NALF1: variants seen among roughly 807,000 people sequenced by gnomAD.
NALF1 encodes the protein NALCN channel auxiliary factor 1, also known as family with sequence similarity 155 member A.
NALF1 carries 3 observed loss-of-function variants against 48.4 expected under a neutral mutation model. The observed-to-expected ratio is 0.06, with a 90% CI of 0.03 to 0.16. NALF1 has a LOEUF of 0.16. Among genes scored for constraint, NALF1 ranks in the 10% least tolerant of loss-of-function variants. The probability of loss-of-function intolerance (pLI) is 1.00; values close to 1 mark genes in which losing one functional copy is unlikely to be tolerated. For synonymous variants in NALF1, 262 were observed against 245.7 expected (o/e 1.07, Z -0.62); for missense variants, 526 against 571.5 (o/e 0.92, Z 0.81).
chr13:107,445,135 G>C (rs7139996), intron 1 of NALF1, among the ~76,000 whole-genome samples: 5,853 of 152,194 alleles, frequency 0.038, 388 homozygotes, highest in African/African-American at 0.13. Context: ...ATGTGTGTGT[G>C]TGTATGTTCT....
intron 1 of NALF1, among the ~76,000 whole-genome samples, chr13:107,505,642 T>C (rs538782520): frequency 3.0e-4 from 46 of 152,022 alleles, no homozygotes; most frequent in African/African-American, 1.1e-3. Flanking sequence ...GAAGAGCAAG[T>C]GTGGTGGGCA....
At chr13:107,684,908 C>T (rs957086050) in intron 1 of NALF1, among the ~76,000 whole-genome samples, 1 of 152,210 alleles carries the variant, frequency 6.6e-6, no homozygotes, top group Non-Finnish European at 1.5e-5. Context: ...CACCTAGTTA[C>T]ACCCTTTCCT....
At chr13:107,693,704 A>C (rs1196288267) in intron 1 of NALF1, among the ~76,000 whole-genome samples, 1 of 151,934 alleles carries the variant, frequency 6.6e-6, no homozygotes, top group East Asian at 1.9e-4. Flanking sequence ...CGCCATTCTA[A>C]TTGCCACAGA....
intron 1 of NALF1, among the ~76,000 whole-genome samples, chr13:107,223,956 A>G (rs963568030): frequency 7.2e-5 from 11 of 152,212 alleles, no homozygotes; most frequent in Admixed American, 2.6e-4. Flanking sequence ...ACATACCATC[A>G]GAAATATGTT....
At chr13:107,562,520 T>C (rs113212539) in intron 1 of NALF1, among the ~76,000 whole-genome samples, 140 of 152,314 alleles carry the variant, frequency 9.2e-4, no homozygotes, top group Non-Finnish European at 1.5e-3. Flanking sequence ...TGAAGATACC[T>C]GATATCAATA....
chr13:107,854,893 A>G (rs1880406442), intron 1 of NALF1, among the ~76,000 whole-genome samples: 1 of 151,234 alleles, frequency 6.6e-6, no homozygotes, highest in Admixed American at 6.6e-5. Context: ...AGAAAAAAAG[A>G]CCTATATGGA....
At chr13:107,753,494 C>CTTTTTT (rs200846121) in intron 1 of NALF1, among the ~76,000 whole-genome samples, 2 of 137,086 alleles carry the variant, frequency 1.5e-5, no homozygotes, top group Non-Finnish European at 1.6e-5. Context: ...CCAAGGCAGT[C>CTTTTTT]TTTTTTTTTT....
chr13:107,706,281 C>T (rs558582776), intron 1 of NALF1, among the ~76,000 whole-genome samples: 2 of 152,170 alleles, frequency 1.3e-5, no homozygotes, highest in African/African-American at 4.8e-5. Flanking sequence ...GCAGGCAGAA[C>T]TCTGCTCCCT....
In NALF1 at chr13:107,816,661, G is replaced by A. The variant is rs146417335; in HGVS notation, c.915+49021C>T. ...AGGTGAATTATATAACAGTAAAGAT[G>A]GTATACAAAAGTTTTTATTGACAAC... On this transcript the variant is annotated intron_variant, in intron 1 of 2. Coordinates refer to ENST00000375915, the MANE Select transcript of NALF1 (RefSeq NM_001080396.3). Among the ~76,000 whole-genome samples the A allele has an allele frequency of 6.1e-3, 921 of 151,892 alleles. 1 individual carries two copies. Among genetic ancestry groups the A allele is most frequent in the Non-Finnish European group, 0.011 (717 of 67,952 alleles).
intron 1 of NALF1, among the ~76,000 whole-genome samples, chr13:107,263,833 C>A (rs892090778): frequency 1.3e-5 from 2 of 152,120 alleles, no homozygotes; most frequent in Non-Finnish European, 2.9e-5. Flanking sequence ...ATATCTCTTT[C>A]CTAGGAAAAT....
chr13:107,507,155 G>A (rs746289226), intron 1 of NALF1, among the ~76,000 whole-genome samples: 1 of 151,932 alleles, frequency 6.6e-6, no homozygotes, highest in Non-Finnish European at 1.5e-5. Context: ...TGTTTTCCAG[G>A]GAGAAAATAA....
intron 1 of NALF1, among the ~76,000 whole-genome samples, chr13:107,550,239 TA>T (rs1374860464): frequency 6.6e-6 from 1 of 152,158 alleles, no homozygotes; most frequent in East Asian, 1.9e-4. Flanking sequence ...CCAGTTCATT[TA>T]AATTCAGCTC....
In NALF1 at chr13:107,865,883, C is replaced by A; in HGVS notation, c.714G>T (p.Leu238Phe). Residue 238 changes from leucine to phenylalanine, a missense_variant, in exon 1 of 3, where the codon TTG becomes TTT. By Grantham distance (22) the Leu-to-Phe change is conservative (BLOSUM62 0). This residue lies in a region of NALF1 where 373 missense variants were observed against 355.5 expected (regional missense o/e 1.05). Coordinates refer to ENST00000375915, the MANE Select transcript of NALF1 (RefSeq NM_001080396.3). ...TGCAGTTCAAAGTGTTGGGACTGGACAACCCCGAGAACAACTCCCAAAGTG... is the reference window on the plus strand; with the variant it reads ...TGCAGTTCAAAGTGTTGGGACTGGAAAACCCCGAGAACAACTCCCAAAGTG... Reference protein sequence around the residue: ...SYTLWELFSGLSSPNTLNCSL... With the variant: ...SYTLWELFSGFSSPNTLNCSL... 6.2e-7 allele frequency: 1 copy of A among 1,614,118 alleles called. No homozygotes were observed. Among genetic ancestry groups the A allele is most frequent in the Non-Finnish European group, 8.5e-7 (1 of 1,180,030 alleles).
chr13:107,777,525 G>C (rs1877771889), intron 1 of NALF1, among the ~76,000 whole-genome samples: 1 of 152,130 alleles, frequency 6.6e-6, no homozygotes, highest in South Asian at 2.1e-4. Flanking sequence ...CGCAAGATCT[G>C]CTTGTTTAAA....
chr13:107,497,432 T>C (rs1875377816), intron 1 of NALF1, among the ~76,000 whole-genome samples: 1 of 152,166 alleles, frequency 6.6e-6, no homozygotes, highest in Non-Finnish European at 1.5e-5. Context: ...CATTATGTAA[T>C]ATTGCTGTGT....
chr13:107,716,939 C>A (rs1470590362), intron 1 of NALF1, among the ~76,000 whole-genome samples: 1 of 152,234 alleles, frequency 6.6e-6, no homozygotes, highest in African/African-American at 2.4e-5. Context: ...AAAATGCTGA[C>A]CTTGGAAAAA....
intron 1 of NALF1, among the ~76,000 whole-genome samples, chr13:107,319,371 G>T (rs1882211266): frequency 6.6e-6 from 1 of 152,038 alleles, no homozygotes; most frequent in African/African-American, 2.4e-5. Context: ...AAGCAGGAAG[G>T]TTATTAAAAT....
At chr13:107,289,977 A>G (rs1427290249) in intron 1 of NALF1, among the ~76,000 whole-genome samples, 1 of 152,164 alleles carries the variant, frequency 6.6e-6, no homozygotes, top group African/African-American at 2.4e-5. Context: ...AGGAACTTTC[A>G]GGAGAACAAG....
At chr13:107,538,348 TC>T (rs911366924) in intron 1 of NALF1, among the ~76,000 whole-genome samples, 3 of 152,066 alleles carry the variant, frequency 2.0e-5, no homozygotes, top group East Asian at 1.9e-4. Flanking sequence ...TTCTTTTGAA[TC>T]CCCCCTTACC....
Sources: allele counts gnomAD v4.1 joint callset (sites outside exome capture counted in the v4.1 genomes callset), GRCh38; gene constraint gnomAD v4.1.1; regional missense constraint gnomAD v4.1.1; transcripts MANE v1.5; gene names NCBI Gene and HGNC (gene_info 2026-07-23, HGNC 2026-07-21).